PTPRN2: variants seen among roughly 807,000 people sequenced by gnomAD.
PTPRN2 encodes the protein receptor-type tyrosine-protein phosphatase N2.
A neutral mutation model predicts 118.8 loss-of-function variants in PTPRN2; 74 were observed. The observed-to-expected ratio is 0.62, with a 90% confidence interval of 0.52 to 0.76. PTPRN2 has a LOEUF of 0.76. Among genes scored for constraint, PTPRN2 ranks in the 30% least tolerant of loss-of-function variants. PTPRN2 has a pLI of 0.00. For synonymous variants in PTPRN2, 641 were observed against 608.0 expected, an observed-to-expected ratio of 1.05 and a Z score of -0.80; for missense variants, 1,481 against 1,394.4, an observed-to-expected ratio of 1.06 and a Z score of -0.99.
At chr7:158,046,421 A>G (rs549265160) in intron 11 of PTPRN2, among the ~76,000 whole-genome samples, 1 of 150,706 alleles carries the variant, frequency 6.6e-6, no homozygotes, top group African/African-American at 2.4e-5. Flanking sequence ...CCAGGAGCAG[A>G]AACTGCGATC....
intron 6 of PTPRN2, among the ~76,000 whole-genome samples, chr7:158,163,500 C>T (rs1397433728): frequency 2.0e-5 from 3 of 147,052 alleles, no homozygotes; most frequent in African/African-American, 7.6e-5. Flanking sequence ...GTACGGGGTT[C>T]TCAATTCTCT....
At chr7:158,371,694 C>A (rs1404289510) in intron 2 of PTPRN2, among the ~76,000 whole-genome samples, 1 of 152,128 alleles carries the variant, frequency 6.6e-6, no homozygotes, top group African/African-American at 2.4e-5. Context: ...GGGGAATGTT[C>A]TAAGGAAATG....
rs1017913322 is a variant in PTPRN2, at chr7:157,729,385, G to GA, written c.1789-46449dup. Among the ~76,000 whole-genome samples the GA allele has an allele frequency of 1.3e-5, 2 of 152,100 alleles. No individual in the cohort carries two copies. Among genetic ancestry groups the GA allele is most frequent in the Non-Finnish European group, 2.9e-5 (2 of 68,028 alleles). On this transcript the variant is annotated intron_variant, in intron 12 of 22. Transcript: ENST00000389418. This position sits in a 1 kb window ranked among gnomAD's most constrained non-coding sequence, Gnocchi z 4.3. ...GAGGGCTGGATGCCTTCAGGTCCCG[G>GA]ACCCCCCACTCTGCTCCCGTGGACA... is the stretch of plus-strand genomic sequence containing the variant.
intron 2 of PTPRN2, among the ~76,000 whole-genome samples, chr7:158,339,430 T>G (rs370979182): frequency 2.6e-3 from 19 of 7,404 alleles, no homozygotes; most frequent in East Asian, 4.9e-3. Context: ...ACCATAAGAG[T>G]TGACACCTGC....
At chr7:158,388,370 C>T (rs910618432) in intron 2 of PTPRN2, among the ~76,000 whole-genome samples, 2 of 152,200 alleles carry the variant, frequency 1.3e-5, no homozygotes, top group African/African-American at 4.8e-5. Flanking sequence ...ACCTGCATTT[C>T]TTCCCAGCCA....
In PTPRN2 at chr7:157,787,229, T is replaced by C. The variant is rs1804117999; in HGVS notation, c.1789-104292A>G. Among the ~76,000 whole-genome samples, 2 of 152,122 alleles carry C rather than the reference T, an allele frequency of 1.3e-5. No homozygotes were observed. Among genetic ancestry groups the C allele is most frequent in the South Asian group, 4.1e-4 (2 of 4,832 alleles). The stretch of plus-strand genomic sequence containing the variant: ...GGAAGCAATTCGTGGGAAACCCACT[T>C]GGATGCCACTTATGACCCCCGCGTG... On this transcript the variant is annotated intron_variant, in intron 12 of 22. Coordinates refer to ENST00000389418, the MANE Select transcript of PTPRN2 (RefSeq NM_002847.5). The surrounding 1 kb of genome is among the most constrained non-coding windows in gnomAD (Gnocchi z 5.3).
chr7:157,907,959 C>T (rs940272146), intron 11 of PTPRN2, among the ~76,000 whole-genome samples: 3 of 152,192 alleles, frequency 2.0e-5, no homozygotes, highest in South Asian at 2.1e-4. Flanking sequence ...CTGACCTCAC[C>T]GACTTCCCCA....
At chr7:158,090,221 G>C (rs73512326) in intron 10 of PTPRN2, among the ~76,000 whole-genome samples, 94 of 94,262 alleles carry the variant, frequency 1.0e-3, no homozygotes, top group African/African-American at 2.8e-3. Flanking sequence ...ACACACACCT[G>C]CTGCCTAGAG....
At chr7:158,397,028 C>G (rs1354628102) in intron 2 of PTPRN2, among the ~76,000 whole-genome samples, 2 of 152,240 alleles carry the variant, frequency 1.3e-5, no homozygotes, top group East Asian at 3.8e-4. Context: ...TCTGTGGAGA[C>G]CCAGGCCCCG....
At chr7:158,539,712 T>G (rs1391198321) in intron 1 of PTPRN2, 3 of 255,144 alleles carry the variant, frequency 1.2e-5, no homozygotes, top group Non-Finnish European at 2.3e-5. Flanking sequence ...CTGGAGTTGG[T>G]GACGGCTGGG....
chr7:157,975,072 C>T (rs6965002), intron 11 of PTPRN2, among the ~76,000 whole-genome samples: 101,772 of 151,888 alleles, frequency 0.67, 34,198 homozygotes, highest in East Asian at 0.72. Flanking sequence ...GACCCTGCCT[C>T]CATCAGCAGG....
intron 2 of PTPRN2, among the ~76,000 whole-genome samples, chr7:158,486,670 C>G (rs1306896144): frequency 6.6e-6 from 1 of 152,202 alleles, no homozygotes; most frequent in Admixed American, 6.5e-5. Flanking sequence ...CGACTTCCTC[C>G]TGAGGGAGCT....
chr7:158,032,017 C>A (rs1408847306), intron 11 of PTPRN2, among the ~76,000 whole-genome samples: 1 of 152,218 alleles, frequency 6.6e-6, no homozygotes, highest in African/African-American at 2.4e-5. Flanking sequence ...TTTCAAGGGA[C>A]CTTTGGCTGT....
intron 14 of PTPRN2, among the ~76,000 whole-genome samples, chr7:157,626,554 C>T (rs949060483): frequency 6.6e-6 from 1 of 152,100 alleles, no homozygotes; most frequent in South Asian, 2.1e-4. Context: ...CCACCCCCCA[C>T]ATCAAACAGT....
intron 11 of PTPRN2, among the ~76,000 whole-genome samples, chr7:158,035,955 A>G (rs13227192): frequency 0.51 from 77,828 of 152,028 alleles, 20,856 homozygotes; most frequent in African/African-American, 0.62. Context: ...TAGAGAATTA[A>G]CCCCATCTGA....
chr7:158,100,105 C>A (rs187425844), intron 10 of PTPRN2, among the ~76,000 whole-genome samples: 1 of 151,990 alleles, frequency 6.6e-6, no homozygotes, highest in East Asian at 2.0e-4. Context: ...AGCTCAGCTC[C>A]CACTTATGAG....
intron 12 of PTPRN2, among the ~76,000 whole-genome samples, chr7:157,689,530 A>G (rs1797366511): frequency 6.6e-6 from 1 of 152,242 alleles, no homozygotes; most frequent in Non-Finnish European, 1.5e-5. Context: ...CTCCGGCCCT[A>G]AAAGGCAATT....
chr7:158,512,607 T>A (rs1429099093), intron 1 of PTPRN2, among the ~76,000 whole-genome samples: 1 of 152,182 alleles, frequency 6.6e-6, no homozygotes, highest in Non-Finnish European at 1.5e-5. Flanking sequence ...TGACATGTCC[T>A]ACAGGCAAGG....
chr7:158,317,140 G>A (rs1188918788), intron 2 of PTPRN2, among the ~76,000 whole-genome samples: 7 of 152,162 alleles, frequency 4.6e-5, no homozygotes, highest in Non-Finnish European at 8.8e-5. Context: ...AAACACAAAT[G>A]CCAAGGTGGA....
Sources: gnomAD v4.1 joint callset for allele counts (sites outside exome capture counted in the v4.1 genomes callset) on GRCh38, gnomAD v4.1.1 for gene constraint, Gnocchi (gnomAD v3.1) non-coding constraint, MANE v1.5 for transcripts, NCBI Gene and HGNC (gene_info 2026-07-23, HGNC 2026-07-21) for gene names.